DPYD: variants seen among roughly 807,000 people sequenced by gnomAD.
DPYD encodes the protein dihydropyrimidine dehydrogenase [NADP(+)].
In DPYD, 109 loss-of-function variants were observed where a neutral mutation model predicts 116.2. The observed-to-expected ratio is 0.94, with a 90% CI of 0.80 to 1.10. DPYD has a LOEUF of 1.10. Ranked by LOEUF, DPYD falls within the 50% of genes least tolerant of loss-of-function variation. DPYD has a pLI of 0.00. For missense variants in DPYD, 1,302 were observed against 1,254.5 expected, an observed-to-expected ratio of 1.04 and a Z score of -0.57; for synonymous variants, 440 against 432.0, an observed-to-expected ratio of 1.02 and a Z score of -0.23.
chr1:97,147,413 C>T (rs1046887837), intron 20 of DPYD, among the ~76,000 whole-genome samples: 2 of 152,122 alleles, frequency 1.3e-5, no homozygotes, highest in Non-Finnish European at 2.9e-5. Flanking sequence ...GCAGGGAGAT[C>T]ACAAACAGCC....
At chr1:97,911,469 G>A (rs960315606) in intron 1 of DPYD, among the ~76,000 whole-genome samples, 7 of 152,028 alleles carry the variant, frequency 4.6e-5, no homozygotes, top group South Asian at 2.1e-4. Flanking sequence ...AGTCATTTTG[G>A]TTGGCACACC....
intron 13 of DPYD, among the ~76,000 whole-genome samples, chr1:97,456,402 G>C (rs2101810304): frequency 6.6e-6 from 1 of 151,984 alleles, no homozygotes; most frequent in South Asian, 2.1e-4. Context: ...GCTTCTGTTG[G>C]CTTATCTCTT....
chr1:97,291,701 T>G (rs796144994), intron 18 of DPYD, among the ~76,000 whole-genome samples: 23 of 136,244 alleles, frequency 1.7e-4, no homozygotes, highest in Admixed American at 2.3e-4. Context: ...GTGGGGGGAG[T>G]GGGGAGGGAT....
chr1:97,408,357 T>C (rs2101658150), intron 14 of DPYD, among the ~76,000 whole-genome samples: 1 of 152,344 alleles, frequency 6.6e-6, no homozygotes. Context: ...TGTTTGTGCA[T>C]GTATACACTT....
intron 3 of DPYD, among the ~76,000 whole-genome samples, chr1:97,804,259 C>A (rs1667976628): frequency 6.6e-6 from 1 of 151,616 alleles, no homozygotes; most frequent in African/African-American, 2.4e-5. Flanking sequence ...TGTATTATCA[C>A]CACTTACTAA....
At chr1:97,715,764 T>C (rs1662578457) in intron 5 of DPYD, among the ~76,000 whole-genome samples, 1 of 152,168 alleles carries the variant, frequency 6.6e-6, no homozygotes, top group African/African-American at 2.4e-5. Context: ...TTTTGATGAC[T>C]GTTTTTAATA....
chr1:97,759,051 T>C (rs1316988941), intron 3 of DPYD, among the ~76,000 whole-genome samples: 2 of 152,166 alleles, frequency 1.3e-5, no homozygotes, highest in African/African-American at 2.4e-5. Flanking sequence ...AGTTATTTAT[T>C]CACTTATACA....
At chr1:97,492,440 A>C (rs1398096784) in intron 13 of DPYD, among the ~76,000 whole-genome samples, 1 of 152,148 alleles carries the variant, frequency 6.6e-6, no homozygotes, top group African/African-American at 2.4e-5. Flanking sequence ...CTCCCTATTC[A>C]CATAACACAA....
At chr1:97,636,477 A>G (rs1657569304) in intron 8 of DPYD, among the ~76,000 whole-genome samples, 1 of 152,150 alleles carries the variant, frequency 6.6e-6, no homozygotes, top group African/African-American at 2.4e-5. Context: ...ATAGATAAAA[A>G]TCCACCAAAT....
At chr1:97,381,319 T>C (rs72728436) in intron 15 of DPYD, among the ~76,000 whole-genome samples, 29,199 of 152,128 alleles carry the variant, frequency 0.19, 2,974 homozygotes, top group South Asian at 0.37. Flanking sequence ...TAAAAATTAA[T>C]GTCTAATATT....
intron 3 of DPYD, among the ~76,000 whole-genome samples, chr1:97,809,535 G>A (rs191119289): frequency 6.6e-6 from 1 of 152,258 alleles, no homozygotes; most frequent in East Asian, 1.9e-4. Context: ...GTTTCCGATT[G>A]ACTGAGTGTA....
At chr1:97,813,053 C>T (rs190264732) in intron 3 of DPYD, among the ~76,000 whole-genome samples, 7 of 152,178 alleles carry the variant, frequency 4.6e-5, no homozygotes, top group African/African-American at 1.4e-4. Context: ...TGGAATGCCC[C>T]ATACAAGGAA....
At chr1:97,576,826 G>A (rs1653294463) in intron 10 of DPYD, among the ~76,000 whole-genome samples, 1 of 152,134 alleles carries the variant, frequency 6.6e-6, no homozygotes, top group African/African-American at 2.4e-5. Context: ...CTGCATTTTT[G>A]CTTTTGAAAC....
At chr1:97,293,384 A>G (rs1241338849) in intron 18 of DPYD, among the ~76,000 whole-genome samples, 1 of 152,228 alleles carries the variant, frequency 6.6e-6, no homozygotes, top group Non-Finnish European at 1.5e-5. Context: ...CAGACAGTAG[A>G]GATTCCCATA....
intron 20 of DPYD, among the ~76,000 whole-genome samples, chr1:97,151,421 C>T (rs2101719326): frequency 6.6e-6 from 1 of 152,208 alleles, no homozygotes; most frequent in East Asian, 1.9e-4. Context: ...TGCCTGTAAT[C>T]CCAGCACTTT....
chr1:97,291,497 C>G (rs1487560747), intron 18 of DPYD, among the ~76,000 whole-genome samples: 9 of 152,062 alleles, frequency 5.9e-5, no homozygotes, highest in Admixed American at 5.9e-4. Flanking sequence ...CCATGGAATA[C>G]TATGCAGCCA....
Position 97,663,902 on chromosome 1 carries a change from A to G in DPYD, c.850+15193T>C, listed in dbSNP as rs192078716. Among the ~76,000 whole-genome samples the G allele has an allele frequency of 3.6e-4, 55 of 152,348 alleles. 1 individual carries two copies. In the East Asian group the frequency reaches 0.01, roughly 29 times the overall value. On this transcript the variant is annotated intron_variant, in intron 8 of 22. Coordinates refer to ENST00000370192, the MANE Select transcript of DPYD (RefSeq NM_000110.4). Reference sequence around the variant, plus strand: ...CTTTTCCTACAGAGGCTTATAGTCTAGGATGAATGAATAGAAATATATACA... The same window carrying G: ...CTTTTCCTACAGAGGCTTATAGTCTGGGATGAATGAATAGAAATATATACA...
intron 18 of DPYD, among the ~76,000 whole-genome samples, chr1:97,294,656 T>C (rs1666412187): frequency 6.6e-6 from 1 of 152,214 alleles, no homozygotes; most frequent in African/African-American, 2.4e-5. Flanking sequence ...GCTCTTGGCA[T>C]CACAGTTAGA....
At chr1:97,252,892 T>C (rs761201945) in intron 18 of DPYD, among the ~76,000 whole-genome samples, 2 of 152,188 alleles carry the variant, frequency 1.3e-5, no homozygotes, top group Admixed American at 6.6e-5. Flanking sequence ...CTCTAGAAGA[T>C]TATTTATTCA....
Sources: allele counts gnomAD v4.1 joint callset (sites outside exome capture counted in the v4.1 genomes callset), GRCh38; gene constraint gnomAD v4.1.1; transcripts MANE v1.5; gene names NCBI Gene and HGNC (gene_info 2026-07-23, HGNC 2026-07-21).